The following ASXL2 variants were observed in gnomAD, a reference collection of about 807,000 sequenced individuals.
The protein encoded by ASXL2 is ASXL transcriptional regulator 2.
ASXL2 carries 23 observed loss-of-function variants against 122.0 expected under a neutral mutation model. That is an observed-to-expected ratio of 0.19 (90% CI 0.14 to 0.27). The LOEUF (loss-of-function observed/expected upper bound fraction) is 0.27. ASXL2 is among the 10% of genes least tolerant of loss of function. ASXL2 has a pLI of 1.00. For synonymous variants in ASXL2, 650 were observed against 637.0 expected, an observed-to-expected ratio of 1.02 and a Z score of -0.31; for missense variants, 1,518 against 1,713.8, an observed-to-expected ratio of 0.89 and a Z score of 2.02.
intron 3 of ASXL2, among the ~76,000 whole-genome samples, chr2:25,832,632 T>A (rs2089466776): frequency 6.6e-6 from 1 of 152,016 alleles, no homozygotes; most frequent in Admixed American, 6.6e-5. Flanking sequence ...TTTCAAGGTG[T>A]CTTTAAAATT....
chr2:25,757,748 C>T (rs896128660), intron 9 of ASXL2, among the ~76,000 whole-genome samples: 4 of 147,620 alleles, frequency 2.7e-5, no homozygotes, highest in African/African-American at 7.5e-5. Context: ...ACTAGATAAC[C>T]TCTAAGATCC....
intron 5 of ASXL2, among the ~76,000 whole-genome samples, chr2:25,798,227 C>T (rs1337983214): frequency 6.6e-6 from 1 of 152,116 alleles, no homozygotes; most frequent in Non-Finnish European, 1.5e-5. Flanking sequence ...GGGTACTAGG[C>T]TTAATTCCTG....
intron 3 of ASXL2, among the ~76,000 whole-genome samples, chr2:25,829,577 C>T (rs1434706744): frequency 1.3e-5 from 2 of 152,142 alleles, no homozygotes; most frequent in Non-Finnish European, 2.9e-5. Context: ...TACTTTGAAC[C>T]AGAGTTACCA....
chr2:25,755,851 T>G (rs191338523), intron 10 of ASXL2, among the ~76,000 whole-genome samples, 167 bp downstream of exon 10: 2 of 152,374 alleles, frequency 1.3e-5, no homozygotes, highest in Middle Eastern at 3.4e-3. Flanking sequence ...CCTGGTAACA[T>G]AGGCTCTAGA....
chr2:25,848,252 T>C (rs1010079505), intron 1 of ASXL2, among the ~76,000 whole-genome samples: 1 of 152,262 alleles, frequency 6.6e-6, no homozygotes, highest in African/African-American at 2.4e-5. Context: ...TACTTTCTAA[T>C]ATATTCTGCA....
At chr2:25,787,407 G>A (rs1002901823) in intron 5 of ASXL2, among the ~76,000 whole-genome samples, 2 of 152,182 alleles carry the variant, frequency 1.3e-5, no homozygotes, top group African/African-American at 4.8e-5. Flanking sequence ...CTTGGGGTAA[G>A]GGAAAGCTGA....
intron 2 of ASXL2, among the ~76,000 whole-genome samples, chr2:25,836,420 G>A (rs901728789): frequency 6.6e-5 from 10 of 152,244 alleles, no homozygotes; most frequent in African/African-American, 2.4e-4. Flanking sequence ...GATTTCTGCT[G>A]AAAAGTAGTA....
At chr2:25,822,699 C>A in intron 3 of ASXL2, 1 of 714,594 alleles carries the variant, frequency 1.4e-6, no homozygotes, top group Non-Finnish European at 2.4e-6. Context: ...ATGTTGTTTA[C>A]GAAAAGGAGA....
At chr2:25,768,952 GAA>G in intron 6 of ASXL2, 84 bp from the exon 7 acceptor site, 12 of 1,420,324 alleles carry the variant, frequency 8.4e-6, no homozygotes, top group Non-Finnish European at 1.0e-5. Context: ...TAAATGGCAA[GAA>G]GCATGCTGAT....
intron 3 of ASXL2, among the ~76,000 whole-genome samples, chr2:25,824,644 G>C (rs1292962955): frequency 6.6e-6 from 1 of 152,168 alleles, no homozygotes; most frequent in Non-Finnish European, 1.5e-5. Context: ...TTTCTAATTT[G>C]TCAGTCTCCA....
chr2:25,843,381 G>A (rs1048886394), intron 2 of ASXL2, among the ~76,000 whole-genome samples: 6 of 151,302 alleles, frequency 4.0e-5, no homozygotes, highest in African/African-American at 9.7e-5. Context: ...TCAGGTGATC[G>A]GCCTGCCTCG....
Position 25,739,542 on chromosome 2 carries a change from A to G in ASXL2, c.*2487T>C, listed in dbSNP as rs967635462. On this transcript the variant is annotated 3_prime_UTR_variant, in exon 13 of 13. Transcript: ENST00000435504. ...ATTGAGGCAGTGTATCTAGTTGGCAATATCTGTTTTAGGAGTATTCCTAAA... is the reference window on the plus strand; with the variant it reads ...ATTGAGGCAGTGTATCTAGTTGGCAGTATCTGTTTTAGGAGTATTCCTAAA... 3 of 191,894 alleles carry G rather than the reference A, an allele frequency of 1.6e-5. No individual in the cohort carries two copies. Among genetic ancestry groups the G allele is most frequent in the South Asian group, 1.9e-4 (1 of 5,180 alleles). 11.9% of individuals were successfully genotyped at this position (191,894 alleles called of 1,614,324 possible).
At position 25,738,686 on chromosome 2, in the gene ASXL2, C is replaced by T. The variant is rs1207453675; in HGVS notation, c.*3343G>A. ...TAAGGTGGAGAAAGGCAATAATAAA[C>T]AACAGAATGTTAACTGTCAGGTCAT... is the stretch of plus-strand genomic sequence containing the variant. On this transcript the variant is annotated 3_prime_UTR_variant, in exon 13 of 13. Transcript: ENST00000435504. 6.6e-6 allele frequency: 1 copy of T among 152,080 alleles called. No individual in the cohort carries two copies. Among genetic ancestry groups the T allele is most frequent in the Non-Finnish European group, 1.5e-5 (1 of 68,006 alleles). 9.4% of individuals were successfully genotyped at this position (152,080 alleles called of 1,614,324 possible).
rs2087915532 is a variant in ASXL2 at position 25,744,937 on chromosome 2, AC to A, written c.1861-462del. On this transcript the variant is annotated intron_variant, in intron 12 of 12. Transcript: ENST00000435504. The surrounding 1 kb of genome is among the most constrained non-coding windows in gnomAD (Gnocchi z 4.7). ...GAAAATACTTGCTCTTCTCTGTTCC[AC>A]ACACACACACACACACACACACACA... is the stretch of plus-strand genomic sequence containing the variant. Among the ~76,000 whole-genome samples, 1 of 25,958 alleles carries A rather than the reference AC, an allele frequency of 3.9e-5. No individual in the cohort carries two copies. Among genetic ancestry groups the A allele is most frequent in the African/African-American group, 1.2e-4 (1 of 8,210 alleles). 17.0% of individuals were successfully genotyped at this position (25,958 alleles called of 152,430 possible). A position where few individuals can be genotyped will look rare whatever the true frequency, so the allele number is the denominator to read the frequency against.
chr2:25,870,533 C>CT (rs1166240268), intron 1 of ASXL2, among the ~76,000 whole-genome samples: 1 of 151,976 alleles, frequency 6.6e-6, no homozygotes, highest in Non-Finnish European at 1.5e-5. Context: ...TTAACCTGGC[C>CT]TGGTGGCACA....
intron 5 of ASXL2, among the ~76,000 whole-genome samples, chr2:25,793,986 T>C (rs939394541): frequency 6.6e-6 from 1 of 151,998 alleles, no homozygotes; most frequent in Non-Finnish European, 1.5e-5. Context: ...AAAGAGAAAA[T>C]CTCCTAAAGG....
chr2:25,774,918 G>A (rs2088520728), intron 5 of ASXL2, among the ~76,000 whole-genome samples: 1 of 152,134 alleles, frequency 6.6e-6, no homozygotes, highest in Non-Finnish European at 1.5e-5. Flanking sequence ...AGATTGCTAA[G>A]AAAGCTGAAC....
chr2:25,781,987 T>G (rs1283330097), intron 5 of ASXL2, among the ~76,000 whole-genome samples: 1 of 124,834 alleles, frequency 8.0e-6, no homozygotes, highest in Non-Finnish European at 1.7e-5. Context: ...TTTTTTTTTG[T>G]AGAGACAGAG....
intron 3 of ASXL2, among the ~76,000 whole-genome samples, chr2:25,817,412 C>T (rs1280237536): frequency 1.3e-5 from 2 of 151,946 alleles, no homozygotes; most frequent in African/African-American, 4.8e-5. Context: ...TTAATATTAC[C>T]TCACAGTGAA....
Sources: gnomAD v4.1 joint callset for allele counts (sites outside exome capture counted in the v4.1 genomes callset) on GRCh38, gnomAD v4.1.1 for gene constraint, Gnocchi (gnomAD v3.1) non-coding constraint, MANE v1.5 for transcripts, NCBI Gene and HGNC (gene_info 2026-07-23, HGNC 2026-07-21) for gene names.